EYS: variants seen among roughly 807,000 people sequenced by gnomAD.
EYS encodes EGF-like photoreceptor maintenance factor.
Under a neutral mutation model 282.1 loss-of-function variants are expected in EYS, and 250 were observed. The ratio of observed to expected loss-of-function variants is 0.89; its 90% CI spans 0.80 to 0.98. The LOEUF is 0.98. Among genes scored for constraint, EYS ranks in the 50% least tolerant of loss-of-function variants. The pLI is 0.00. For synonymous variants in EYS, 1,355 were observed against 1,282.9 expected (o/e 1.06, Z -1.20); for missense variants, 4,016 against 3,709.0 (o/e 1.08, Z -2.15).
chr6:65,218,370 A>G (rs1391005925), intron 12 of EYS, among the ~76,000 whole-genome samples: 2 of 152,136 alleles, frequency 1.3e-5, no homozygotes, highest in African/African-American at 2.4e-5. Context: ...ATTTGATGCT[A>G]ACATTTTTTC....
At chr6:65,168,282 G>A (rs1005361412) in intron 12 of EYS, among the ~76,000 whole-genome samples, 2 of 151,174 alleles carry the variant, frequency 1.3e-5, no homozygotes, top group Non-Finnish European at 3.0e-5. Flanking sequence ...AAATCTAATT[G>A]CAAAAAATAA....
chr6:64,248,183 TTGTGTGTGTGTGTGTGTGTG>T (rs10589491), intron 30 of EYS, among the ~76,000 whole-genome samples: 1 of 146,304 alleles, frequency 6.8e-6, no homozygotes, highest in Admixed American at 6.8e-5. Flanking sequence ...CAGAAGAAGC[TTGTGTGTGTGTGTGTGTGTG>T]TGTGTGTGTG....
At chr6:64,440,685 A>G (rs1561996004) in intron 26 of EYS, among the ~76,000 whole-genome samples, 1 of 152,152 alleles carries the variant, frequency 6.6e-6, no homozygotes, top group Non-Finnish European at 1.5e-5. Context: ...TGTTTTAAAG[A>G]TTTCAGGCAT....
chr6:65,514,849 C>T (rs1250902328), intron 2 of EYS, among the ~76,000 whole-genome samples: 1 of 152,068 alleles, frequency 6.6e-6, no homozygotes, highest in Non-Finnish European at 1.5e-5. Flanking sequence ...AGAAGAAAAC[C>T]TAGGCATTAC....
rs537491631 is a variant in EYS, at chr6:63,869,246, T to C, written c.7056-4888A>G. 2.0e-5 allele frequency among the ~76,000 whole-genome samples: 3 copies of C among 152,292 alleles called. No individual in the cohort carries two copies. In the East Asian group the frequency reaches 5.8e-4, roughly 29 times the overall value. ...AATAATACATAAAATGGAAAATCCA[T>C]AAACAATTAAAAACACTTTTTTTCT... On this transcript the variant is annotated intron_variant, in intron 35 of 42. Transcript: ENST00000503581.
At chr6:64,452,438 G>T (rs1410065968) in intron 26 of EYS, among the ~76,000 whole-genome samples, 2 of 152,102 alleles carry the variant, frequency 1.3e-5, no homozygotes, top group Non-Finnish European at 2.9e-5. Flanking sequence ...ACTGCCCCAG[G>T]TAATTTACAG....
At chr6:64,403,946 G>T (rs957964886) in intron 28 of EYS, among the ~76,000 whole-genome samples, 1 of 152,128 alleles carries the variant, frequency 6.6e-6, no homozygotes, top group African/African-American at 2.4e-5. Context: ...CCAAAAATCA[G>T]CCCACTGGGT....
At chr6:65,701,617 G>C (rs1769678105) in intron 1 of EYS, among the ~76,000 whole-genome samples, 1 of 152,028 alleles carries the variant, frequency 6.6e-6, no homozygotes, top group Non-Finnish European at 1.5e-5. Flanking sequence ...CACCCTATTT[G>C]AATTATCTGG....
intron 12 of EYS, among the ~76,000 whole-genome samples, chr6:65,069,878 A>G (rs1221447716): frequency 1.3e-5 from 2 of 151,940 alleles, no homozygotes; most frequent in African/African-American, 2.4e-5. Flanking sequence ...ATTTTCCAAT[A>G]TAAATCATTA....
chr6:63,994,175 CA>C (rs1332848577), intron 34 of EYS, among the ~76,000 whole-genome samples: 2 of 151,922 alleles, frequency 1.3e-5, no homozygotes, highest in African/African-American at 4.8e-5. Flanking sequence ...AGCTGAGGTA[CA>C]GTCACTGAAG....
chr6:65,070,633 T>C (rs1773875695), intron 12 of EYS, among the ~76,000 whole-genome samples: 1 of 151,916 alleles, frequency 6.6e-6, no homozygotes, highest in African/African-American at 2.4e-5. Flanking sequence ...TTCCTGTTAC[T>C]AACTATATCC....
chr6:65,177,211 GA>G (rs1196444480), intron 12 of EYS, among the ~76,000 whole-genome samples: 2 of 151,576 alleles, frequency 1.3e-5, no homozygotes, highest in East Asian at 3.9e-4. Flanking sequence ...GATTTCATTA[GA>G]AAAAAATGTC....
chr6:64,206,653 A>G (rs1392183275), intron 31 of EYS, among the ~76,000 whole-genome samples: 1 of 152,204 alleles, frequency 6.6e-6, no homozygotes, highest in African/African-American at 2.4e-5. Context: ...GCAAGGAAGA[A>G]TGAGAGGGCT....
chr6:65,223,481 A>AT (rs1766528566), intron 12 of EYS, among the ~76,000 whole-genome samples: 1 of 152,188 alleles, frequency 6.6e-6, no homozygotes, highest in Non-Finnish European at 1.5e-5. Flanking sequence ...ACTTAGTGCT[A>AT]TTTGTGGAGA....
intron 35 of EYS, among the ~76,000 whole-genome samples, chr6:63,974,483 T>A (rs1766738419): frequency 6.6e-6 from 1 of 152,050 alleles, no homozygotes; most frequent in South Asian, 2.1e-4. Context: ...CAGATGGGAT[T>A]TAAGCCAGAG....
chr6:64,661,306 C>G (rs1011294291), intron 22 of EYS, among the ~76,000 whole-genome samples: 6 of 152,088 alleles, frequency 3.9e-5, no homozygotes, highest in Admixed American at 3.3e-4. Flanking sequence ...CTAGGCAATA[C>G]CATTCAGGAC....
intron 19 of EYS, among the ~76,000 whole-genome samples, chr6:64,859,285 T>C (rs1448341311): frequency 6.7e-6 from 1 of 148,796 alleles, no homozygotes; most frequent in African/African-American, 2.4e-5. Context: ...AGATTTATAT[T>C]TATAAGAATA....
intron 19 of EYS, among the ~76,000 whole-genome samples, chr6:64,852,160 G>A (rs752475240): frequency 1.3e-5 from 2 of 151,130 alleles, no homozygotes; most frequent in Non-Finnish European, 3.0e-5. Flanking sequence ...TTAGTACTGA[G>A]TGTCAACTTG....
At chr6:63,994,835 A>C (rs1190661338) in intron 34 of EYS, among the ~76,000 whole-genome samples, 2 of 152,012 alleles carry the variant, frequency 1.3e-5, no homozygotes, top group Non-Finnish European at 2.9e-5. Context: ...AAAATTGAAA[A>C]AATTAAATTG....
Sources: gnomAD v4.1 joint callset for allele counts (sites outside exome capture counted in the v4.1 genomes callset) on GRCh38, gnomAD v4.1.1 for gene constraint, MANE v1.5 for transcripts, NCBI Gene and HGNC (gene_info 2026-07-23, HGNC 2026-07-21) for gene names.